AZIN2: variants seen among roughly 807,000 people sequenced by gnomAD.
The protein encoded by AZIN2 is antizyme inhibitor 2.
Under a neutral mutation model 47.8 loss-of-function variants are expected in AZIN2, and 28 were observed. The ratio of observed to expected loss-of-function variants is 0.59; its 90% CI spans 0.43 to 0.80. The LOEUF (loss-of-function observed/expected upper bound fraction) is 0.80. Among genes scored for constraint, AZIN2 ranks in the 30% least tolerant of loss-of-function variants. AZIN2 has a pLI of 0.00. For missense variants in AZIN2, 535 were observed against 582.5 expected (o/e 0.92, Z 0.84); for synonymous variants, 221 against 239.4 (o/e 0.92, Z 0.71).
At chr1:33,118,385 C>G in intron 11 of AZIN2, 1 of 337,936 alleles carries the variant, frequency 3.0e-6, no homozygotes, top group Admixed American at 4.3e-5. Flanking sequence ...AGAGCCCTCC[C>G]TGAGGCCCAG....
At chr1:33,093,558 C>T in intron 7 of AZIN2, 142 bp downstream of exon 7, 4 of 1,197,458 alleles carry the variant, frequency 3.3e-6, no homozygotes, top group Non-Finnish European at 4.6e-6. Flanking sequence ...TTGAGAATTT[C>T]CTCTGTTTGA....
At chr1:33,132,741 C>A in the AZIN2 span, among the ~76,000 whole-genome samples, 1 of 152,244 alleles carries the variant, frequency 6.6e-6, no homozygotes, top group Non-Finnish European at 1.5e-5. Flanking sequence ...GCACTCCTGG[C>A]ACATGGCACG....
chr1:33,158,014 C>T, the AZIN2 span, among the ~76,000 whole-genome samples: 1 of 152,184 alleles, frequency 6.6e-6, no homozygotes, highest in African/African-American at 2.4e-5. Context: ...CTCAGCCTCC[C>T]AAAGTGCTGG....
rs758206031 is a variant in AZIN2 at position 33,096,864 on chromosome 1, G to A, written c.911G>A (p.Arg304Lys). The A allele has an allele frequency of 1.2e-6, 2 of 1,614,156 alleles. No individual in the cohort carries two copies. The highest frequency in any genetic ancestry group is 1.7e-6 in the Non-Finnish European group (2 of 1,180,012). Residue 304 changes from arginine to lysine, a missense_variant, in exon 9 of 12, where the codon AGG (arginine) becomes AAG (lysine). Physicochemically the swap from Arg to Lys is conservative, Grantham distance 26. Transcript: ENST00000294517. ...GAGGTTCTGCTAGACCAGCCTGGCA[G>A]GGAGGGTAGGTGCCAGGTGGGCAGT... Reference protein sequence around the residue: ...KKEVLLDQPGREEENGSTSKT... With the variant: ...KKEVLLDQPGKEEENGSTSKT...
At chr1:33,096,012 A>G (rs1454942852) in intron 8 of AZIN2, among the ~76,000 whole-genome samples, 1 of 152,028 alleles carries the variant, frequency 6.6e-6, no homozygotes, top group Non-Finnish European at 1.5e-5. Context: ...TATTTTTTGT[A>G]TTTTTAGTAG....
chr1:33,146,233 C>T, the AZIN2 span: 1 of 222,770 alleles, frequency 4.5e-6, no homozygotes, highest in Non-Finnish European at 9.1e-6. Flanking sequence ...ACAAGTGGCT[C>T]TTGTTTTCTG....
intron 10 of AZIN2, among the ~76,000 whole-genome samples, chr1:33,102,412 A>C (rs1289143174): frequency 1.3e-5 from 2 of 151,302 alleles, no homozygotes; most frequent in South Asian, 2.1e-4. Flanking sequence ...AGCCCTTCCA[A>C]CCTCTCCAGT....
chr1:33,132,049 C>T, the AZIN2 span, among the ~76,000 whole-genome samples: 8 of 152,288 alleles, frequency 5.3e-5, no homozygotes, highest in Non-Finnish European at 7.4e-5. Flanking sequence ...TTAATGTGAC[C>T]GGGCTCCATT....
the AZIN2 span, chr1:33,147,475 C>G: frequency 6.2e-7 from 1 of 1,613,934 alleles, no homozygotes; most frequent in Non-Finnish European, 8.5e-7. This position sits in a 1 kb window ranked among gnomAD's most constrained non-coding sequence, Gnocchi z 8.1. Context: ...GATCTGGATG[C>G]TGCCCTTGCG....
At chr1:33,128,195 C>T (rs1220396090), downstream of AZIN2, among the ~76,000 whole-genome samples, 1 of 142,470 alleles carries the variant, frequency 7.0e-6, no homozygotes, top group African/African-American at 2.6e-5. Flanking sequence ...TGAAACTCCC[C>T]ACCTCTCCAA....
chr1:33,115,190 C>A (rs180776122), intron 10 of AZIN2, among the ~76,000 whole-genome samples: 536 of 152,242 alleles, frequency 3.5e-3, no homozygotes, highest in South Asian at 0.01. Context: ...GGAATGCAAT[C>A]ATGCCACCTG....
chr1:33,155,724 T>G, the AZIN2 span, among the ~76,000 whole-genome samples: 2 of 152,218 alleles, frequency 1.3e-5, no homozygotes, highest in Admixed American at 1.3e-4. Flanking sequence ...GAGAATTCAC[T>G]TCTCTATCCA....
the AZIN2 span, chr1:33,165,412 C>G: frequency 1.4e-6 from 2 of 1,465,108 alleles, no homozygotes; most frequent in Non-Finnish European, 1.8e-6. This position sits in a 1 kb window ranked among gnomAD's most constrained non-coding sequence, Gnocchi z 4.0. Context: ...CTGGCCCCGC[C>G]CCTCGAAGCC....
chr1:33,099,074 C>T (rs1465794723), intron 10 of AZIN2, among the ~76,000 whole-genome samples: 1 of 152,082 alleles, frequency 6.6e-6, no homozygotes, highest in Non-Finnish European at 1.5e-5. Context: ...CTCTTCCCAT[C>T]TCTTGACCTT....
At chr1:33,147,484 C>G in the AZIN2 span, 1 of 1,613,148 alleles carries the variant, frequency 6.2e-7, no homozygotes, top group Non-Finnish European at 8.5e-7. The surrounding 1 kb of genome is among the most constrained non-coding windows in gnomAD (Gnocchi z 8.1). Flanking sequence ...GCTGCCCTTG[C>G]GGCTTGCGGC....
At position 33,120,497 on chromosome 1, in the gene AZIN2, CAAAT is replaced by C; in HGVS notation, c.*325_*328del. 1 of 285,976 alleles carries C rather than the reference CAAAT, an allele frequency of 3.5e-6. No individual in the cohort carries two copies. Among genetic ancestry groups the C allele is most frequent in the Non-Finnish European group, 6.6e-6 (1 of 152,428 alleles). The allele number at this position is 285,976 out of a possible 1,614,324, so 17.7% of individuals were successfully genotyped here. On this transcript the variant is annotated 3_prime_UTR_variant, in exon 12 of 12. Transcript: ENST00000294517. ...CCTTCCCACCTTTGTAAATATAATG[CAAAT>C]AAATAAATATTTAGGTTTTTAAAAA...
At chr1:33,110,187 C>T (rs1481027344) in intron 10 of AZIN2, among the ~76,000 whole-genome samples, 1 of 152,188 alleles carries the variant, frequency 6.6e-6, no homozygotes, top group African/African-American at 2.4e-5. Context: ...AACCACAAGC[C>T]AGCCTTCTTT....
At position 33,091,005 on chromosome 1, in the gene AZIN2, T is replaced by C. The variant is rs200673823; in HGVS notation, c.280-1045T>C. Among the ~76,000 whole-genome samples the C allele has an allele frequency of 5.7e-3, 548 of 96,806 alleles. 23 individuals carry two copies. The East Asian group carries it at 0.14, about 25-fold the overall frequency. 63.5% of individuals were successfully genotyped at this position (96,806 alleles called of 152,430 possible). A position where few individuals can be genotyped will look rare whatever the true frequency, so the allele number is the denominator to read the frequency against. On this transcript the variant is annotated intron_variant, in intron 5 of 11. Transcript: ENST00000294517. The stretch of plus-strand genomic sequence containing the variant: ...ACATGATGTCCTTCAGGCTCATCCA[T>C]GTTGCTGCAAATGACAGGATTTCCT...
chr1:33,152,573 G>GAAAAAA, the AZIN2 span, among the ~76,000 whole-genome samples: 1 of 102,822 alleles, frequency 9.7e-6, no homozygotes, highest in African/African-American at 4.0e-5. Flanking sequence ...GTCTCAAAAA[G>GAAAAAA]AAAAAAAAAA....
Sources: allele counts gnomAD v4.1 joint callset (sites outside exome capture counted in the v4.1 genomes callset), GRCh38; gene constraint gnomAD v4.1.1; non-coding constraint Gnocchi (gnomAD v3.1); transcripts MANE v1.5; gene names NCBI Gene and HGNC (gene_info 2026-07-23, HGNC 2026-07-21).